The following MYH15 variants were observed in gnomAD, a reference collection of about 807,000 sequenced individuals.
MYH15 encodes myosin-15.
MYH15 carries 227 observed loss-of-function variants against 240.5 expected under a neutral mutation model. That is an observed-to-expected ratio of 0.94 (90% CI 0.85 to 1.05). MYH15 has a LOEUF of 1.05. Ranked by LOEUF, MYH15 falls within the 50% of genes least tolerant of loss-of-function variation. The pLI, the probability that MYH15 is intolerant of heterozygous loss-of-function variation, is 0.00. For missense variants in MYH15, 2,217 were observed against 2,247.5 expected, an observed-to-expected ratio of 0.99 and a Z score of 0.27; for synonymous variants, 785 against 796.7, an observed-to-expected ratio of 0.99 and a Z score of 0.25.
At chr3:108,496,747 GTATTA>G (rs1302202498) in intron 6 of MYH15, among the ~76,000 whole-genome samples, 1 of 146,636 alleles carries the variant, frequency 6.8e-6, no homozygotes, top group African/African-American at 2.5e-5. Flanking sequence ...TTTATGTATT[GTATTA>G]TATATTATCA....
At chr3:108,392,016 A>T in intron 36 of MYH15, 86 bp from the exon 37 acceptor site, 11 of 1,423,672 alleles carry the variant, frequency 7.7e-6, no homozygotes, top group Non-Finnish European at 1.1e-5. Context: ...TCCTGGTCTG[A>T]CTGGCTGCCA....
chr3:108,458,348 G>A (rs1212920741), intron 18 of MYH15, among the ~76,000 whole-genome samples: 1 of 152,166 alleles, frequency 6.6e-6, no homozygotes, highest in Non-Finnish European at 1.5e-5. Flanking sequence ...CCAGCTGATA[G>A]GAAACAATGA....
At chr3:108,409,489 A>C (rs892644578) in intron 31 of MYH15, among the ~76,000 whole-genome samples, 11 of 152,236 alleles carry the variant, frequency 7.2e-5, no homozygotes, top group African/African-American at 2.7e-4. Context: ...TCTGTGCTTT[A>C]ACAAGCCCTC....
At position 108,485,117 on chromosome 3, in the gene MYH15, T is replaced by C. The variant is rs143858387; in HGVS notation, c.1088A>G (p.Glu363Gly). 3.7e-6 allele frequency: 6 copies of C among 1,614,112 alleles called. No individual in the cohort carries two copies. The highest frequency in any genetic ancestry group is 1.7e-4 in the Middle Eastern group (1 of 6,060). Residue 363 changes from glutamate to glycine, a missense_variant, in exon 11 of 41, where the codon GAG becomes GGG. Transcript: ENST00000693548. ...TTCTGTGCCATCTGCTTCCAGTTGC[T>C]CTTCTCTAGGTTTCTGTTTAAATTT... The part of the protein sequence containing the change: ...NMKFKQKPRE[E>G]QLEADGTENA...
intron 27 of MYH15, among the ~76,000 whole-genome samples, chr3:108,427,138 G>A (rs2082730349): frequency 6.6e-6 from 1 of 152,238 alleles, no homozygotes; most frequent in Admixed American, 6.5e-5. Flanking sequence ...TGATTTAGAT[G>A]AGACTTTAGA....
chr3:108,497,867 T>C (rs1330892421), intron 6 of MYH15, among the ~76,000 whole-genome samples, 185 bp downstream of exon 6: 1 of 152,212 alleles, frequency 6.6e-6, no homozygotes, highest in Non-Finnish European at 1.5e-5. Context: ...TTCATGTTAT[T>C]GTTTGGAGCA....
At chr3:108,400,847 G>A (rs2082498877) in intron 33 of MYH15, among the ~76,000 whole-genome samples, 1 of 152,186 alleles carries the variant, frequency 6.6e-6, no homozygotes, top group Admixed American at 6.5e-5. Flanking sequence ...CCTACAGGGG[G>A]AAGAGAGAGG....
At chr3:108,529,433 A>G, upstream of MYH15, 1 of 578,008 alleles carries the variant, frequency 1.7e-6, no homozygotes, top group Non-Finnish European at 3.0e-6. Flanking sequence ...ATATTTAGTC[A>G]TTGTGCTTGG....
chr3:108,441,354 C>T (rs1576235766), intron 22 of MYH15, 94 bp from the exon 23 acceptor site: 5 of 1,422,178 alleles, frequency 3.5e-6, no homozygotes, highest in East Asian at 2.3e-5. Flanking sequence ...GAGATAATTG[C>T]CTGCCCTCTG....
intron 11 of MYH15, among the ~76,000 whole-genome samples, chr3:108,479,278 A>G (rs1005545971): frequency 2.6e-5 from 4 of 152,192 alleles, no homozygotes; most frequent in African/African-American, 9.7e-5. Flanking sequence ...GAACCCATGG[A>G]CTTCAATTAG....
chr3:108,390,418 G>C (rs1374990221), intron 37 of MYH15, among the ~76,000 whole-genome samples: 1 of 152,084 alleles, frequency 6.6e-6, no homozygotes, highest in Non-Finnish European at 1.5e-5. Context: ...ATAAAACCTG[G>C]CAATCTTAAA....
At chr3:108,394,533 A>G (rs2082444960) in intron 35 of MYH15, among the ~76,000 whole-genome samples, 1 of 152,218 alleles carries the variant, frequency 6.6e-6, no homozygotes, top group Non-Finnish European at 1.5e-5. Flanking sequence ...AGTTGCAGAC[A>G]TCTGAGGAGC....
chr3:108,403,765 C>T (rs1446146200), intron 33 of MYH15, among the ~76,000 whole-genome samples: 2 of 152,142 alleles, frequency 1.3e-5, no homozygotes, highest in Non-Finnish European at 2.9e-5. Flanking sequence ...CTTTTCTCAG[C>T]TCCTCATGGC....
At chr3:108,406,302 C>T (rs7636718) in intron 32 of MYH15, among the ~76,000 whole-genome samples, 18,968 of 152,118 alleles carry the variant, frequency 0.12, 1,495 homozygotes, top group Non-Finnish European at 0.18. Flanking sequence ...GTAATTTTTT[C>T]ATAGCCTCTT....
intron 33 of MYH15, among the ~76,000 whole-genome samples, chr3:108,400,920 T>C (rs1576209808): frequency 6.6e-6 from 1 of 152,160 alleles, no homozygotes; most frequent in African/African-American, 2.4e-5. Flanking sequence ...TTCTGCCCAC[T>C]GGTGAGGGAG....
At chr3:108,437,224 G>A (rs1313338619) in intron 25 of MYH15, among the ~76,000 whole-genome samples, 4 of 142,248 alleles carry the variant, frequency 2.8e-5, no homozygotes, top group African/African-American at 7.9e-5. Flanking sequence ...CATTGGTCTC[G>A]TCATGAGTAA....
chr3:108,500,209 T>C lies in MYH15; in HGVS notation c.405A>G (p.Glu135=). 1 of 1,614,126 alleles carries C rather than the reference T, an allele frequency of 6.2e-7. No individual in the cohort carries two copies. Among genetic ancestry groups the C allele is most frequent in the Non-Finnish European group, 8.5e-7 (1 of 1,179,960 alleles). Residue 135 remains glutamate, a synonymous_variant, in exon 4 of 41, where the codon GAA becomes GAG. Coordinates refer to ENST00000693548, the MANE Select transcript of MYH15 (RefSeq NM_014981.3). ...PYKWLPVYQK[E]VMAAYKGKRR... is the part of the protein sequence containing the mutation. ...TCTTCCCTTTGTAGGCGGCCATGAC[T>C]TCTTTCTGATACACGGGAAGCCATT...
intron 40 of MYH15, among the ~76,000 whole-genome samples, chr3:108,382,559 C>T (rs1485411649): frequency 1.3e-5 from 2 of 152,052 alleles, no homozygotes; most frequent in South Asian, 2.1e-4. Context: ...ACAGATGGAT[C>T]GGCTCAAAAT....
intron 13 of MYH15, 75 bp from the exon 14 acceptor site, chr3:108,470,287 G>A: frequency 5.6e-6 from 6 of 1,064,844 alleles, no homozygotes; most frequent in South Asian, 1.7e-5. Context: ...GTCCAGTAAA[G>A]AAAAAACCAT....
Sources: allele counts gnomAD v4.1 joint callset (sites outside exome capture counted in the v4.1 genomes callset), GRCh38; gene constraint gnomAD v4.1.1; transcripts MANE v1.5; gene names NCBI Gene and HGNC (gene_info 2026-07-23, HGNC 2026-07-21).